Variants in TEX11 observed in about 807,000 individuals in gnomAD.
The protein encoded by TEX11 is testis-expressed protein 11.
TEX11 carries 7 observed loss-of-function variants against 84.4 expected under a neutral mutation model. That is an observed-to-expected ratio of 0.08 (90% confidence interval 0.05 to 0.16). TEX11 has a LOEUF of 0.16. Ranked by LOEUF, TEX11 falls within the 10% of genes least tolerant of loss-of-function variation. The pLI, the probability that TEX11 is intolerant of heterozygous loss-of-function variation, is 1.00. For synonymous variants in TEX11, 264 were observed against 222.8 expected, an observed-to-expected ratio of 1.18 and a Z score of -1.64; for missense variants, 551 against 660.5, an observed-to-expected ratio of 0.83 and a Z score of 1.82.
intron 8 of TEX11, among the ~76,000 whole-genome samples, chrX:70,814,891 T>A (rs5936993): frequency 0.41 from 45,114 of 111,363 alleles, 7,483 homozygotes; most frequent in East Asian, 0.55. Flanking sequence ...AAAATTCTGA[T>A]TAACAGGAGA....
chrX:70,718,436 C>CA (rs1483507614), intron 13 of TEX11, among the ~76,000 whole-genome samples: 1 of 111,497 alleles, frequency 9.0e-6, no homozygotes, highest in Non-Finnish European at 1.9e-5. Flanking sequence ...AGCATTTCCC[C>CA]AAAAAATGAC....
At chrX:70,557,208 A>G (rs2088297964) in intron 25 of TEX11, among the ~76,000 whole-genome samples, 1 of 109,959 alleles carries the variant, frequency 9.1e-6, no homozygotes, top group Non-Finnish European at 1.9e-5. Context: ...GTGGCTCACA[A>G]CTGTAATTCC....
Position 70,598,410 on chromosome X carries a change from G to A in TEX11, c.2068-6587C>T, listed in dbSNP as rs751401739. 8.1e-5 allele frequency among the ~76,000 whole-genome samples: 9 copies of A among 111,635 alleles called. No individual in the cohort carries two copies. In the Admixed American group the frequency reaches 8.6e-4, roughly 11 times the overall value. On this transcript the variant is annotated intron_variant, in intron 24 of 29. Coordinates refer to ENST00000374333, the MANE Select transcript of TEX11 (RefSeq NM_031276.3). Reference sequence around the variant, plus strand: ...GAAATTGGAATCCTCATTCAGTCCTGGTTGGAATGTAAAATGGTGCAGGTG... The same window carrying A: ...GAAATTGGAATCCTCATTCAGTCCTAGTTGGAATGTAAAATGGTGCAGGTG...
intron 4 of TEX11, among the ~76,000 whole-genome samples, chrX:70,869,001 C>A (rs751257221): frequency 2.0e-5 from 2 of 98,713 alleles, no homozygotes; most frequent in South Asian, 8.8e-4. Flanking sequence ...ATGTAACAAG[C>A]CTGCGTGTTC....
chrX:70,727,756 A>G (rs756261059), intron 11 of TEX11, among the ~76,000 whole-genome samples: 3 of 107,953 alleles, frequency 2.8e-5, no homozygotes, highest in Non-Finnish European at 5.8e-5. Flanking sequence ...ATGAGAGATG[A>G]TCTCTCTCTC....
At chrX:70,628,288 G>A (rs1428012122) in intron 18 of TEX11, among the ~76,000 whole-genome samples, 1 of 108,634 alleles carries the variant, frequency 9.2e-6, no homozygotes, top group African/African-American at 3.4e-5. Context: ...GGAAACATAA[G>A]CCCTCCATCA....
At chrX:70,845,698 C>T (rs1333389679) in intron 7 of TEX11, among the ~76,000 whole-genome samples, 1 of 110,171 alleles carries the variant, frequency 9.1e-6, no homozygotes, top group Non-Finnish European at 1.9e-5. Flanking sequence ...CATGGTGATG[C>T]GCACCTGTAG....
chrX:70,755,068 C>T (rs993482575), intron 9 of TEX11, among the ~76,000 whole-genome samples: 5 of 112,029 alleles, frequency 4.5e-5, no homozygotes, highest in African/African-American at 6.5e-5. Flanking sequence ...AATGCCCAGA[C>T]ACTGAAGAAC....
chrX:70,601,592 T>G (rs1290800253), intron 24 of TEX11, among the ~76,000 whole-genome samples: 2 of 89,244 alleles, frequency 2.2e-5, no homozygotes, highest in Non-Finnish European at 4.4e-5. Flanking sequence ...AGAGGGGGAT[T>G]TGGCAGGGTC....
At chrX:70,724,394 AT>A (rs1329306284) in intron 12 of TEX11, 1 of 139,115 alleles carries the variant, frequency 7.2e-6, no homozygotes, top group Non-Finnish European at 1.3e-5. Flanking sequence ...GTAGTACTAA[AT>A]TTAGGGCTAC....
At chrX:70,590,838 C>T (rs1258478362) in intron 25 of TEX11, among the ~76,000 whole-genome samples, 1 of 111,654 alleles carries the variant, frequency 9.0e-6, no homozygotes, top group Non-Finnish European at 1.9e-5. Flanking sequence ...ACCCCTGCCT[C>T]CTGGGTTCAA....
intron 24 of TEX11, among the ~76,000 whole-genome samples, chrX:70,602,732 T>C (rs2089139490): frequency 9.4e-6 from 1 of 106,051 alleles, no homozygotes; most frequent in Non-Finnish European, 1.9e-5. Flanking sequence ...AAATAAAGGG[T>C]ATCCAATTAG....
intron 17 of TEX11, among the ~76,000 whole-genome samples, chrX:70,641,084 A>C (rs4844246): frequency 0.5 from 55,330 of 109,595 alleles, 11,080 homozygotes; most frequent in East Asian, 0.74. Flanking sequence ...TCTACCAAGC[A>C]AATGGAAAAC....
At chrX:70,729,925 C>A (rs139625346) in intron 11 of TEX11, among the ~76,000 whole-genome samples, 1 of 112,087 alleles carries the variant, frequency 8.9e-6, no homozygotes, top group African/African-American at 3.2e-5. Flanking sequence ...TCGGGTTACC[C>A]ACAAGGGGAA....
intron 8 of TEX11, among the ~76,000 whole-genome samples, chrX:70,811,022 T>C (rs1263056658): frequency 1.8e-5 from 2 of 111,717 alleles, no homozygotes; most frequent in Non-Finnish European, 3.8e-5. Context: ...CAATGAGTCA[T>C]TTTTTAAAAT....
At chrX:70,672,157 T>C (rs2090031063) in intron 15 of TEX11, among the ~76,000 whole-genome samples, 1 of 110,473 alleles carries the variant, frequency 9.1e-6, no homozygotes, top group Non-Finnish European at 1.9e-5. Flanking sequence ...AAACAGTTTC[T>C]AGATTTATCC....
At chrX:70,795,777 C>T (rs190285546) in intron 9 of TEX11, among the ~76,000 whole-genome samples, 1 of 111,751 alleles carries the variant, frequency 8.9e-6, no homozygotes, top group East Asian at 2.8e-4. Flanking sequence ...CACAGTGTTA[C>T]TGGGCTTGGG....
At chrX:70,752,993 G>A (rs908888918) in intron 9 of TEX11, among the ~76,000 whole-genome samples, 2 of 110,272 alleles carry the variant, frequency 1.8e-5, no homozygotes, top group Non-Finnish European at 3.8e-5. Context: ...ACGCCTGCCC[G>A]TGGAGGGGGT....
intron 16 of TEX11, among the ~76,000 whole-genome samples, chrX:70,669,133 T>C (rs1603207919): frequency 8.9e-6 from 1 of 112,016 alleles, no homozygotes; most frequent in African/African-American, 3.2e-5. Flanking sequence ...AACTATACTT[T>C]GTTCATCTCT....
Sources: gnomAD v4.1 joint callset for allele counts (sites outside exome capture counted in the v4.1 genomes callset) on GRCh38, gnomAD v4.1.1 for gene constraint, MANE v1.5 for transcripts, NCBI Gene and HGNC (gene_info 2026-07-23, HGNC 2026-07-21) for gene names.